The following DNAJA3 variants were observed in gnomAD, a reference collection of about 807,000 sequenced individuals.
DNAJA3 encodes the protein DnaJ heat shock protein family (Hsp40) member A3, also known as dnaJ homolog subfamily A member 3, mitochondrial.
In DNAJA3, 29 loss-of-function variants were observed where a neutral mutation model predicts 54.9. The observed-to-expected ratio is 0.53, with a 90% CI of 0.39 to 0.72. The LOEUF is 0.72. Among genes scored for constraint, DNAJA3 ranks in the 30% least tolerant of loss-of-function variants. The pLI is 0.00. For synonymous variants in DNAJA3, 302 were observed against 251.4 expected (o/e 1.20, Z -1.90); for missense variants, 708 against 639.4 (o/e 1.11, Z -1.16).
intron 10 of DNAJA3, 147 bp downstream of exon 10, chr16:4,450,644 CG>C: frequency 1.6e-6 from 1 of 613,726 alleles, no homozygotes; most frequent in Non-Finnish European, 2.8e-6. Flanking sequence ...GGGCTGTGGG[CG>C]GGGACAGCGG....
rs964031560 is a variant in DNAJA3, at chr16:4,439,542, C to CG, written c.430-1826dup. Among the ~76,000 whole-genome samples the CG allele has an allele frequency of 3.9e-5, 6 of 151,934 alleles. No homozygotes were observed. In the East Asian group the frequency reaches 9.7e-4, roughly 25 times the overall value. On this transcript the variant is annotated intron_variant, in intron 3 of 11. Coordinates refer to ENST00000262375, the MANE Select transcript of DNAJA3 (RefSeq NM_005147.6). ...CCAGAAGATTCAATTTTTAATGGGG[C>CG]GGGGGGGTGTTATTCTTGTGAATGT...
At chr16:4,432,251 G>A (rs1360089507) in intron 1 of DNAJA3, among the ~76,000 whole-genome samples, 1 of 150,604 alleles carries the variant, frequency 6.6e-6, no homozygotes, top group African/African-American at 2.4e-5. Flanking sequence ...TCGAACTCCT[G>A]GGCTCAAGCG....
rs2056711518 is a variant in DNAJA3, at chr16:4,432,178, C to G, written c.212-2206C>G. Among the ~76,000 whole-genome samples the G allele has an allele frequency of 2.0e-5, 3 of 149,182 alleles. No homozygotes were observed. The Admixed American group carries it at 2.0e-4, about 10-fold the overall frequency. On this transcript the variant is annotated intron_variant, in intron 1 of 11. Transcript: ENST00000262375. Reference sequence around the variant, plus strand: ...TCTAGTATGTCATATAAGTTCAAGTCTTTGATCCATTTATTTATTTATTTT... The same window carrying G: ...TCTAGTATGTCATATAAGTTCAAGTGTTTGATCCATTTATTTATTTATTTT...
intron 2 of DNAJA3, among the ~76,000 whole-genome samples, chr16:4,436,097 G>A (rs762208177): frequency 6.6e-5 from 10 of 152,146 alleles, no homozygotes; most frequent in Non-Finnish European, 1.3e-4. Context: ...TCTTTCTTGT[G>A]CATGTTGGCT....
intron 1 of DNAJA3, among the ~76,000 whole-genome samples, chr16:4,429,071 G>A (rs572970229): frequency 6.6e-6 from 1 of 151,590 alleles, no homozygotes; most frequent in Non-Finnish European, 1.5e-5. Context: ...TGTATTTTTA[G>A]TAGAGATGGA....
chr16:4,443,504 C>T (rs985119780), intron 6 of DNAJA3, among the ~76,000 whole-genome samples: 3 of 152,140 alleles, frequency 2.0e-5, no homozygotes, highest in African/African-American at 7.2e-5. Flanking sequence ...TCACCGAAGC[C>T]ATCATTGTCC....
chr16:4,436,806 G>A (rs1814036270), intron 2 of DNAJA3, among the ~76,000 whole-genome samples: 1 of 152,180 alleles, frequency 6.6e-6, no homozygotes, highest in African/African-American at 2.4e-5. Flanking sequence ...AAAGTGCTGG[G>A]ATAACAGGCA....
At chr16:4,450,176 C>T (rs2056960154) in intron 9 of DNAJA3, 1 of 481,286 alleles carries the variant, frequency 2.1e-6, no homozygotes, top group South Asian at 4.0e-5. Context: ...GCCACAGTGA[C>T]ACTTGTTTAA....
At chr16:4,447,354 A>C in intron 8 of DNAJA3, 1 of 236,662 alleles carries the variant, frequency 4.2e-6, no homozygotes, top group South Asian at 7.7e-5. Flanking sequence ...AGAGCAGAAG[A>C]CTCGGGCGGT....
At chr16:4,428,841 C>A (rs1331977566) in intron 1 of DNAJA3, among the ~76,000 whole-genome samples, 1 of 151,780 alleles carries the variant, frequency 6.6e-6, no homozygotes, top group African/African-American at 2.4e-5. Context: ...CAGTTTGGGA[C>A]CAGCCTGGGC....
rs2056845231 is a variant in DNAJA3 at position 4,442,286 on chromosome 16, T to A, written c.649T>A (p.Phe217Ile). 7.5e-6 allele frequency: 12 copies of A among 1,597,008 alleles called. No individual in the cohort carries two copies. Among genetic ancestry groups the A allele is most frequent in the African/African-American group, 1.3e-5 (1 of 74,324 alleles). The change falls in exon 5 of 12, where the codon TTC (phenylalanine) becomes ATC (isoleucine). Residue 217 changes from phenylalanine (F) to isoleucine (I), a missense_variant. Coordinates refer to ENST00000262375, the MANE Select transcript of DNAJA3 (RefSeq NM_005147.6). ...QPQEYFMELT[F>I]NQAAKGVNKE... Reference sequence around the variant, plus strand: ...TCTTTAGTACTTCATGGAGTTGACATTCAATCAAGCTGCAAAGGGGGTCAA... The same window carrying A: ...TCTTTAGTACTTCATGGAGTTGACAATCAATCAAGCTGCAAAGGGGGTCAA...
In DNAJA3 at chr16:4,429,727, G is replaced by A. The variant is rs149905268; in HGVS notation, c.211+3635G>A. 2.0e-3 allele frequency among the ~76,000 whole-genome samples: 301 copies of A among 152,280 alleles called. 2 individuals are homozygous for A. Among genetic ancestry groups the A allele is most frequent in the African/African-American group, 6.7e-3 (279 of 41,566 alleles). ...CGCATGCCTGTAAACCCGGGTACTC[G>A]GGAGGCTGGGGCAGGAGAATTGCTT... On this transcript the variant is annotated intron_variant, in intron 1 of 11. Coordinates refer to ENST00000262375, the MANE Select transcript of DNAJA3 (RefSeq NM_005147.6).
intron 4 of DNAJA3, among the ~76,000 whole-genome samples, chr16:4,441,862 G>C (rs921579221): frequency 6.6e-6 from 1 of 152,144 alleles, no homozygotes; most frequent in Non-Finnish European, 1.5e-5. Flanking sequence ...AGTATTCCAG[G>C]AGAGTTCTGT....
chr16:4,435,241 G>A (rs1418408648), intron 2 of DNAJA3, among the ~76,000 whole-genome samples: 1 of 151,972 alleles, frequency 6.6e-6, no homozygotes, highest in Non-Finnish European at 1.5e-5. Flanking sequence ...TTGTATCCCA[G>A]GGTCTATTAG....
intron 1 of DNAJA3, 130 bp from the exon 2 acceptor site, chr16:4,434,254 G>C (rs1280945245): frequency 2.0e-6 from 2 of 1,013,502 alleles, no homozygotes; most frequent in African/African-American, 3.2e-5. Context: ...TTGAGATCTG[G>C]GTGGGGACAC....
intron 3 of DNAJA3, 71 bp downstream of exon 3, chr16:4,437,556 C>CTTTGATTCA: frequency 8.0e-7 from 1 of 1,255,142 alleles, no homozygotes; most frequent in Non-Finnish European, 1.2e-6. Context: ...GCATTGCTAC[C>CTTTGATTCA]TGGGACAGCC....
chr16:4,437,342 T>C, intron 2 of DNAJA3, 60 bp from the exon 3 acceptor site: 1 of 1,418,130 alleles, frequency 7.1e-7, no homozygotes, highest in Admixed American at 1.8e-5. Context: ...GGGGTTTTGT[T>C]GTTTCTGGTA....
chr16:4,435,358 C>T lies in DNAJA3; in HGVS notation c.345+841C>T, dbSNP rs1001238238. ...AAAATAAAATCAATATTGGAGGCAC[C>T]ATTGTAGGATTGACAGCTTTTTATA... On this transcript the variant is annotated intron_variant, in intron 2 of 11. Coordinates refer to ENST00000262375, the MANE Select transcript of DNAJA3 (RefSeq NM_005147.6). Among the ~76,000 whole-genome samples the T allele has an allele frequency of 5.3e-5, 8 of 152,134 alleles. No homozygotes were observed. In the East Asian group the frequency reaches 9.6e-4, roughly 18 times the overall value.
intron 9 of DNAJA3, chr16:4,450,063 C>T (rs1416905101): frequency 1.0e-5 from 2 of 199,074 alleles, no homozygotes; most frequent in Non-Finnish European, 2.0e-5. Flanking sequence ...GCTGGGATTA[C>T]AGGCATGAGC....
Sources: allele counts gnomAD v4.1 joint callset (sites outside exome capture counted in the v4.1 genomes callset), GRCh38; gene constraint gnomAD v4.1.1; transcripts MANE v1.5; gene names NCBI Gene and HGNC (gene_info 2026-07-23, HGNC 2026-07-21).